GRID2: variants seen among roughly 807,000 people sequenced by gnomAD.
GRID2 encodes glutamate receptor ionotropic, delta-2.
GRID2 carries 33 observed loss-of-function variants against 114.8 expected under a neutral mutation model. That is an observed-to-expected ratio of 0.29 (90% CI 0.22 to 0.38). GRID2 has a LOEUF of 0.38. Ranked by LOEUF, GRID2 falls within the 10% of genes least tolerant of loss-of-function variation. GRID2 has a pLI of 1.00. For synonymous variants in GRID2, 505 were observed against 449.9 expected (o/e 1.12, Z -1.55); for missense variants, 1,184 against 1,257.7 (o/e 0.94, Z 0.89).
At chr4:92,985,220 G>T (rs992376766) in intron 2 of GRID2, among the ~76,000 whole-genome samples, 1 of 151,248 alleles carries the variant, frequency 6.6e-6, no homozygotes, top group African/African-American at 2.4e-5. Flanking sequence ...TCCAAAATAA[G>T]GGTAATTTTT....
At chr4:93,185,462 C>A (rs1438665115) in intron 4 of GRID2, among the ~76,000 whole-genome samples, 1 of 152,144 alleles carries the variant, frequency 6.6e-6, no homozygotes, top group Non-Finnish European at 1.5e-5. Flanking sequence ...ATCAATTTTT[C>A]AATCTGCATA....
At chr4:93,456,916 G>A (rs534030781) in intron 11 of GRID2, among the ~76,000 whole-genome samples, 55 of 152,052 alleles carry the variant, frequency 3.6e-4, no homozygotes, top group Non-Finnish European at 6.3e-4. Flanking sequence ...CCTTTTGTAA[G>A]CATGCTTTTC....
chr4:92,780,241 C>T (rs1739005826), intron 2 of GRID2, among the ~76,000 whole-genome samples: 1 of 152,068 alleles, frequency 6.6e-6, no homozygotes, highest in East Asian at 1.9e-4. Flanking sequence ...CTGGAGTTAA[C>T]ATTAATCATT....
In GRID2 at chr4:92,942,126, T is replaced by A. The variant is rs550628402; in HGVS notation, c.245-142869T>A. ...TGAGTTCAATTCCTGGATATCCTTG[T>A]TAACTTTCTGTCTTGTTGATCTGTC... On this transcript the variant is annotated intron_variant, in intron 2 of 15. Transcript: ENST00000282020. 1.4e-4 allele frequency among the ~76,000 whole-genome samples: 21 copies of A among 152,290 alleles called. No individual in the cohort carries two copies. In the East Asian group the frequency reaches 4.1e-3, roughly 29 times the overall value.
intron 2 of GRID2, among the ~76,000 whole-genome samples, chr4:92,886,960 A>C (rs768039870): frequency 6.6e-6 from 1 of 152,268 alleles, no homozygotes; most frequent in East Asian, 1.9e-4. Flanking sequence ...GAAAAAAAAA[A>C]CTGTTGAAAT....
intron 8 of GRID2, among the ~76,000 whole-genome samples, chr4:93,249,255 T>C (rs1305797790): frequency 1.3e-5 from 2 of 152,198 alleles, no homozygotes; most frequent in African/African-American, 4.8e-5. Flanking sequence ...AGCAGTACCA[T>C]GCTGTTTTGG....
At chr4:93,179,351 G>A (rs74438663) in intron 4 of GRID2, among the ~76,000 whole-genome samples, 1,735 of 152,150 alleles carry the variant, frequency 0.011, 18 homozygotes, top group South Asian at 0.019. Flanking sequence ...ATTTCATTTG[G>A]GGACTGTAAT....
chr4:93,305,367 C>T (rs553322644), intron 8 of GRID2, among the ~76,000 whole-genome samples: 2 of 152,136 alleles, frequency 1.3e-5, no homozygotes, highest in Non-Finnish European at 2.9e-5. Flanking sequence ...ATGAATTTCT[C>T]TAATATGCTA....
intron 1 of GRID2, among the ~76,000 whole-genome samples, chr4:92,441,634 G>A (rs1733087759): frequency 6.6e-6 from 1 of 152,048 alleles, no homozygotes; most frequent in Admixed American, 6.5e-5. Flanking sequence ...GAGTTTATAG[G>A]CTTTGAAAGG....
intron 14 of GRID2, among the ~76,000 whole-genome samples, chr4:93,710,999 C>A (rs1024231719): frequency 1.3e-5 from 2 of 152,058 alleles, no homozygotes; most frequent in Admixed American, 1.3e-4. Context: ...CCTTCTCACC[C>A]AGGGCAGCTG....
chr4:93,672,698 C>G (rs1724534104), intron 14 of GRID2, among the ~76,000 whole-genome samples: 1 of 152,276 alleles, frequency 6.6e-6, no homozygotes, highest in Admixed American at 6.5e-5. Context: ...AAATCCCAAC[C>G]ATTTCTTCAT....
chr4:92,366,384 C>T (rs541606280), intron 1 of GRID2, among the ~76,000 whole-genome samples: 84 of 151,908 alleles, frequency 5.5e-4, no homozygotes, highest in Non-Finnish European at 1.0e-3. Context: ...TTATCTAAAC[C>T]TATTTTGTGC....
chr4:92,915,988 T>C (rs1323653177), intron 2 of GRID2, among the ~76,000 whole-genome samples: 2 of 152,178 alleles, frequency 1.3e-5, no homozygotes, highest in East Asian at 3.8e-4. Flanking sequence ...AGATGCATAC[T>C]TTGCAAATAT....
rs149616094 is a variant in GRID2, at chr4:92,704,072, C to T, written c.244+113786C>T. On this transcript the variant is annotated intron_variant, in intron 2 of 15. Coordinates refer to ENST00000282020, the MANE Select transcript of GRID2 (RefSeq NM_001510.4). ...CGGATAGATCACGAGGTCAGGAGATCGACACCATCCTGGCTAACACGGTAA... is the reference window on the plus strand; with the variant it reads ...CGGATAGATCACGAGGTCAGGAGATTGACACCATCCTGGCTAACACGGTAA... Among the ~76,000 whole-genome samples, 709 of 152,158 alleles carry T rather than the reference C, an allele frequency of 4.7e-3. 3 individuals are homozygous for T. The highest frequency in any genetic ancestry group is 0.016 in the African/African-American group (677 of 41,494).
At chr4:93,421,080 G>A (rs1422163678) in intron 9 of GRID2, among the ~76,000 whole-genome samples, 2 of 152,088 alleles carry the variant, frequency 1.3e-5, no homozygotes, top group African/African-American at 4.8e-5. Flanking sequence ...CCCAAGTGTT[G>A]TACAGCATTT....
intron 8 of GRID2, among the ~76,000 whole-genome samples, chr4:93,380,721 G>A (rs758422040): frequency 6.6e-6 from 1 of 152,042 alleles, no homozygotes; most frequent in Admixed American, 6.6e-5. Context: ...AGAGGCAAAG[G>A]CTACCATTGA....
rs778937324 is a variant in GRID2, at chr4:93,238,445, C to A, written c.1200C>A (p.Ile400=). 1 of 1,609,732 alleles carries A rather than the reference C, an allele frequency of 6.2e-7. No individual in the cohort carries two copies. Among genetic ancestry groups the A allele is most frequent in the Admixed American group, 1.7e-5 (1 of 59,834 alleles). Residue 400 remains isoleucine, a synonymous_variant, in exon 8 of 16, where the codon ATC becomes ATA. Coordinates refer to ENST00000282020, the MANE Select transcript of GRID2 (RefSeq NM_001510.4). The stretch of plus-strand genomic sequence containing the variant: ...GCAATCCCAATGTCCACTTTGAAAT[C>A]CTTGGAACCAACTATGGAGAAGAGC... The part of the protein sequence containing the change: ...NGGNPNVHFE[I]LGTNYGEELG...
At chr4:92,685,233 G>T (rs1299315976) in intron 2 of GRID2, among the ~76,000 whole-genome samples, 1 of 152,056 alleles carries the variant, frequency 6.6e-6, no homozygotes, top group Non-Finnish European at 1.5e-5. Context: ...GTTCTGAACT[G>T]TATAGTAGCT....
At chr4:93,369,319 A>G (rs1762649099) in intron 8 of GRID2, among the ~76,000 whole-genome samples, 1 of 152,162 alleles carries the variant, frequency 6.6e-6, no homozygotes, top group Admixed American at 6.5e-5. Context: ...GGTTTAGTGC[A>G]TATTCATGTA....
Sources: allele counts gnomAD v4.1 joint callset (sites outside exome capture counted in the v4.1 genomes callset), GRCh38; gene constraint gnomAD v4.1.1; transcripts MANE v1.5; gene names NCBI Gene and HGNC (gene_info 2026-07-23, HGNC 2026-07-21).